Variants in BCKDHB observed in about 807,000 individuals in gnomAD.
The protein encoded by BCKDHB is branched chain keto acid dehydrogenase E1 subunit beta, also known as 2-oxoisovalerate dehydrogenase subunit beta, mitochondrial.
A neutral mutation model predicts 48.5 loss-of-function variants in BCKDHB; 41 were observed. That is an observed-to-expected ratio of 0.85 (90% CI 0.66 to 1.10). The LOEUF is 1.10. Ranked by LOEUF, BCKDHB falls within the 50% of genes least tolerant of loss-of-function variation. The pLI is 0.00. For synonymous variants in BCKDHB, 201 were observed against 174.8 expected (o/e 1.15, Z -1.18); for missense variants, 496 against 494.2 (o/e 1.00, Z -0.03).
intron 6 of BCKDHB, among the ~76,000 whole-genome samples, chr6:80,198,481 T>A (rs1211554114): frequency 6.6e-6 from 1 of 152,214 alleles, no homozygotes; most frequent in Non-Finnish European, 1.5e-5. Context: ...TTAAATGATA[T>A]TAAGCTCTCA....
At chr6:80,274,192 G>A (rs1777870456) in intron 9 of BCKDHB, among the ~76,000 whole-genome samples, 1 of 151,776 alleles carries the variant, frequency 6.6e-6, no homozygotes, top group Non-Finnish European at 1.5e-5. Flanking sequence ...AGTGCTAATT[G>A]CAAAATTAAA....
chr6:80,239,208 C>G (rs538833499), intron 8 of BCKDHB, among the ~76,000 whole-genome samples: 25 of 152,290 alleles, frequency 1.6e-4, no homozygotes, highest in African/African-American at 5.1e-4. Flanking sequence ...CTAGTTTACA[C>G]TCCCACCAAC....
At chr6:80,238,771 C>T (rs1380613959) in intron 8 of BCKDHB, among the ~76,000 whole-genome samples, 1 of 151,934 alleles carries the variant, frequency 6.6e-6, no homozygotes, top group African/African-American at 2.4e-5. Flanking sequence ...CCATGACAGG[C>T]CCCAGTGTGT....
At chr6:80,391,239 T>A in the BCKDHB span, among the ~76,000 whole-genome samples, 1 of 151,646 alleles carries the variant, frequency 6.6e-6, no homozygotes, top group African/African-American at 2.4e-5. Context: ...CTAATACAGA[T>A]GGTGTAGTGG....
chr6:80,221,399 G>A (rs1177289585), intron 8 of BCKDHB, among the ~76,000 whole-genome samples: 3 of 152,118 alleles, frequency 2.0e-5, no homozygotes, highest in East Asian at 1.9e-4. Flanking sequence ...ACATGAAAGC[G>A]TATACTCAGT....
chr6:80,343,699 A>G lies in BCKDHB; in HGVS notation c.1074A>G (p.Ser358=). 1 of 1,614,004 alleles carries G rather than the reference A, an allele frequency of 6.2e-7. No homozygotes were observed. Among genetic ancestry groups the G allele is most frequent in the Non-Finnish European group, 8.5e-7 (1 of 1,179,944 alleles). Residue 358 remains serine, a synonymous_variant, in exon 10 of 10, where the codon TCA becomes TCG. Coordinates refer to ENST00000320393, the MANE Select transcript of BCKDHB (RefSeq NM_183050.4). ...TCTTGAACCTAGAGGCTCCTATATC[A>G]AGAGTATGTGGTTATGACACACCAT... ...ECFLNLEAPI[S]RVCGYDTPFP...
intron 9 of BCKDHB, among the ~76,000 whole-genome samples, chr6:80,280,667 T>G (rs1778158804): frequency 6.6e-6 from 1 of 152,146 alleles, no homozygotes; most frequent in Admixed American, 6.5e-5. Context: ...ATCATCTAGG[T>G]TTGTGAAAGT....
chr6:80,326,157 T>A (rs1255490061), intron 9 of BCKDHB, among the ~76,000 whole-genome samples: 1 of 151,000 alleles, frequency 6.6e-6, no homozygotes, highest in Non-Finnish European at 1.5e-5. Flanking sequence ...CTGTGTACTG[T>A]TTTCATAGTT....
chr6:80,115,009 C>T (rs1335376208), intron 1 of BCKDHB, among the ~76,000 whole-genome samples: 1 of 152,232 alleles, frequency 6.6e-6, no homozygotes, highest in Non-Finnish European at 1.5e-5. Context: ...CAGTTTTGTT[C>T]CTGTCACTTT....
rs145381083 is a variant in BCKDHB, at chr6:80,145,942, A to G, written c.343+16713A>G. Among the ~76,000 whole-genome samples, 264 of 152,264 alleles carry G rather than the reference A, an allele frequency of 1.7e-3. 1 individual carries two copies. The highest frequency in any genetic ancestry group is 6.0e-3 in the African/African-American group (250 of 41,564). On this transcript the variant is annotated intron_variant, in intron 3 of 9. Transcript: ENST00000320393. Reference sequence around the variant, plus strand: ...GCTCTAAGAGCTTGTTGGAGATGCCATCCTAGGAAGGTAGATGCCTTCCAG... The same window carrying G: ...GCTCTAAGAGCTTGTTGGAGATGCCGTCCTAGGAAGGTAGATGCCTTCCAG...
intron 8 of BCKDHB, among the ~76,000 whole-genome samples, chr6:80,272,139 C>T (rs1316771182): frequency 6.6e-6 from 1 of 152,062 alleles, no homozygotes; most frequent in Admixed American, 6.5e-5. Flanking sequence ...GATATGGTAA[C>T]TTATTTTTGT....
chr6:80,230,986 G>A (rs1021306441), intron 8 of BCKDHB, among the ~76,000 whole-genome samples: 4 of 152,298 alleles, frequency 2.6e-5, no homozygotes, highest in South Asian at 2.1e-4. Context: ...CAATGCAAGC[G>A]CAGAAGCAGT....
intron 8 of BCKDHB, among the ~76,000 whole-genome samples, chr6:80,205,958 G>A (rs1774637554): frequency 6.6e-6 from 1 of 151,946 alleles, no homozygotes; most frequent in Non-Finnish European, 1.5e-5. Context: ...TCTCAACCAG[G>A]TGTGTAGAAT....
chr6:80,289,603 G>C lies in BCKDHB; in HGVS notation c.1038+16382G>C, dbSNP rs1562206066. On this transcript the variant is annotated intron_variant, in intron 9 of 9. Coordinates refer to ENST00000320393, the MANE Select transcript of BCKDHB (RefSeq NM_183050.4). ...CCTGTGCTGGGTACCTGAATACCAGGGCTAGTTCCCAGCCCCGAATGGCTC... is the reference window on the plus strand; with the variant it reads ...CCTGTGCTGGGTACCTGAATACCAGCGCTAGTTCCCAGCCCCGAATGGCTC... Among the ~76,000 whole-genome samples the C allele has an allele frequency of 2.0e-5, 3 of 152,082 alleles. No homozygotes were observed. The East Asian group carries it at 5.8e-4, about 29-fold the overall frequency.
intron 1 of BCKDHB, among the ~76,000 whole-genome samples, chr6:80,112,723 C>T (rs1286201853): frequency 6.6e-6 from 1 of 152,204 alleles, no homozygotes; most frequent in Non-Finnish European, 1.5e-5. Context: ...GAGGGCGTCC[C>T]CTTTGGAGAG....
At chr6:80,412,900 G>A in the BCKDHB span, among the ~76,000 whole-genome samples, 1 of 152,184 alleles carries the variant, frequency 6.6e-6, no homozygotes, top group Non-Finnish European at 1.5e-5. Context: ...TCCCTTGAAT[G>A]TGGCAAATAG....
At chr6:80,149,140 C>T (rs1483726759) in intron 3 of BCKDHB, among the ~76,000 whole-genome samples, 1 of 152,014 alleles carries the variant, frequency 6.6e-6, no homozygotes, top group African/African-American at 2.4e-5. Context: ...GACAAACAAC[C>T]CCATCAAAAA....
At chr6:80,446,025 G>T in the BCKDHB span, among the ~76,000 whole-genome samples, 2 of 152,278 alleles carry the variant, frequency 1.3e-5, no homozygotes, top group East Asian at 3.9e-4. Context: ...GATGTGTAAG[G>T]TATACAGAGA....
chr6:80,217,320 A>T (rs7771047), intron 8 of BCKDHB, among the ~76,000 whole-genome samples: 17,251 of 152,022 alleles, frequency 0.11, 1,328 homozygotes, highest in African/African-American at 0.21. Flanking sequence ...CCAAACACGT[A>T]CTTTCTGTGC....
Sources: allele counts gnomAD v4.1 joint callset (sites outside exome capture counted in the v4.1 genomes callset), GRCh38; gene constraint gnomAD v4.1.1; transcripts MANE v1.5; gene names NCBI Gene and HGNC (gene_info 2026-07-23, HGNC 2026-07-21).